SYNE1: variants seen among roughly 807,000 people sequenced by gnomAD.
SYNE1 encodes the protein spectrin repeat containing nuclear envelope protein 1, also known as nesprin-1.
A neutral mutation model predicts 1,111.0 loss-of-function variants in SYNE1; 616 were observed. The ratio of observed to expected loss-of-function variants is 0.55; its 90% confidence interval spans 0.52 to 0.59. The LOEUF (loss-of-function observed/expected upper bound fraction) is 0.59. Among genes scored for constraint, SYNE1 ranks in the 20% least tolerant of loss-of-function variants. The probability of loss-of-function intolerance (pLI) is 0.00; values close to 1 mark genes in which losing one functional copy is unlikely to be tolerated. For missense variants in SYNE1, 10,006 were observed against 10,417.0 expected (o/e 0.96, Z 1.72); for synonymous variants, 3,855 against 3,825.8 (o/e 1.01, Z -0.28).
Position 152,444,589 on chromosome 6 carries a change from A to G in SYNE1, c.3670-11T>C. 1.2e-6 allele frequency: 2 copies of G among 1,603,192 alleles called. No homozygotes were observed. Among genetic ancestry groups the G allele is most frequent in the Non-Finnish European group, 8.5e-7 (1 of 1,176,196 alleles). ...TAGCATCTTTTCAACCTATATTTTC[A>G]TGAAAAAAAAAAACACGTAAATCAT... On this transcript the variant is annotated splice_polypyrimidine_tract_variant and intron_variant, in intron 29 of 145. Transcript: ENST00000367255.
intron 63 of SYNE1, among the ~76,000 whole-genome samples, 156 bp from the exon 64 acceptor site, chr6:152,362,479 A>G (rs2154069725): frequency 6.6e-6 from 1 of 152,326 alleles, no homozygotes; most frequent in Admixed American, 6.5e-5. Context: ...GCTTAAGGAC[A>G]CTGAGTCCAG....
chr6:152,227,338 A>C (rs1031952233), intron 115 of SYNE1, among the ~76,000 whole-genome samples: 1 of 152,206 alleles, frequency 6.6e-6, no homozygotes, highest in Non-Finnish European at 1.5e-5. Flanking sequence ...GCCATTTGGC[A>C]ATGTGCCATG....
intron 91 of SYNE1, among the ~76,000 whole-genome samples, chr6:152,306,964 A>T (rs929788362): frequency 1.3e-5 from 2 of 151,964 alleles, no homozygotes; most frequent in African/African-American, 4.8e-5. Flanking sequence ...ACAACAAAAA[A>T]GTTTAGTAGT....
At position 152,373,375 on chromosome 6, in the gene SYNE1, G is replaced by A. The variant is rs144057791; in HGVS notation, c.9325-156C>T. Among the ~76,000 whole-genome samples the A allele has an allele frequency of 3.0e-3, 456 of 151,788 alleles. 1 individual carries two copies. The highest frequency in any genetic ancestry group is 0.01 in the African/African-American group (424 of 41,390). ...GCTCACTGCAGCCTCCGTCTTCTGC[G>A]TTCAAGCAATTCTCCTGCCTCAGCC... On this transcript the variant is annotated intron_variant, in intron 58 of 145. Transcript: ENST00000367255.
intron 126 of SYNE1, among the ~76,000 whole-genome samples, chr6:152,203,512 A>G (rs1369720883): frequency 6.6e-6 from 1 of 152,200 alleles, no homozygotes; most frequent in African/African-American, 2.4e-5. Flanking sequence ...AACTAGAATC[A>G]TGACTAGAAT....
intron 17 of SYNE1, 96 bp from the exon 18 acceptor site, chr6:152,465,556 C>T (rs558337762): frequency 1.8e-6 from 2 of 1,114,770 alleles, no homozygotes; most frequent in East Asian, 5.1e-5. Context: ...GCAATAGTAT[C>T]CATCACAAAT....
At chr6:152,568,878 A>G (rs929577098) in intron 3 of SYNE1, among the ~76,000 whole-genome samples, 2 of 152,242 alleles carry the variant, frequency 1.3e-5, no homozygotes, top group African/African-American at 4.8e-5. Flanking sequence ...CATATGAAAT[A>G]AAGTTTTACA....
chr6:152,552,782 G>C (rs2099351798), intron 3 of SYNE1, among the ~76,000 whole-genome samples: 1 of 152,170 alleles, frequency 6.6e-6, no homozygotes, highest in Non-Finnish European at 1.5e-5. Flanking sequence ...CAGAGCACCA[G>C]GTGGTGCTGT....
intron 64 of SYNE1, among the ~76,000 whole-genome samples, chr6:152,360,078 T>A (rs933664603): frequency 1.2e-4 from 19 of 152,310 alleles, no homozygotes; most frequent in African/African-American, 4.6e-4. Flanking sequence ...TGTCCCTTAT[T>A]TCATGCTCCA....
At chr6:152,158,059 G>C (rs1430384196) in intron 131 of SYNE1, among the ~76,000 whole-genome samples, 3 of 152,160 alleles carry the variant, frequency 2.0e-5, no homozygotes, top group Non-Finnish European at 2.9e-5. Context: ...GCCTGGCATA[G>C]AGCAACTTTT....
chr6:152,446,695 C>T (rs923078631), intron 29 of SYNE1, among the ~76,000 whole-genome samples: 20 of 152,102 alleles, frequency 1.3e-4, no homozygotes, highest in African/African-American at 4.6e-4. Context: ...TACGTTCTTA[C>T]ATTATCTTCC....
At chr6:152,376,935 A>G (rs1185443245) in intron 56 of SYNE1, 23 bp from the exon 57 acceptor site, 1 of 1,612,666 alleles carries the variant, frequency 6.2e-7, no homozygotes, top group South Asian at 1.1e-5. Context: ...AATGAGACAA[A>G]GAAGCGAGCA....
rs775685010 is a variant in SYNE1 at position 152,309,861 on chromosome 6, C to A, written c.17176G>T (p.Ala5726Ser). 8.1e-6 allele frequency: 13 copies of A among 1,613,950 alleles called. No homozygotes were observed. The East Asian group carries it at 2.7e-4, about 33-fold the overall frequency. Reference protein sequence around the residue: ...QEEASRLQHTAIQQCNIMQEA... With the variant: ...QEEASRLQHTSIQQCNIMQEA... Reference sequence around the variant, plus strand: ...TGCATGATGTTACACTGCTGGATGGCGGTGTGCTGCAGCCGGCTGGCCTCT... The same window carrying A: ...TGCATGATGTTACACTGCTGGATGGAGGTGTGCTGCAGCCGGCTGGCCTCT... The change falls in exon 90 of 146, where the codon GCC becomes TCC. Residue 5726 changes from alanine (A) to serine (S), a missense_variant. By Grantham distance (99) the Ala-to-Ser change is moderately conservative (BLOSUM62 1). Transcript: ENST00000367255.
At chr6:152,590,772 T>C (rs2099557105) in intron 3 of SYNE1, among the ~76,000 whole-genome samples, 1 of 152,178 alleles carries the variant, frequency 6.6e-6, no homozygotes, top group South Asian at 2.1e-4. Context: ...ACAATCTAAT[T>C]CACTTTTCCT....
Position 152,139,495 on chromosome 6 carries a change from TG to T in SYNE1, c.25458+454del, listed in dbSNP as rs2057887373. 1.4e-5 allele frequency among the ~76,000 whole-genome samples: 2 copies of T among 143,026 alleles called. 1 individual carries two copies. Among genetic ancestry groups the T allele is most frequent in the Admixed American group, 1.4e-4 (2 of 13,826 alleles). 93.8% of individuals were successfully genotyped at this position (143,026 alleles called of 152,430 possible). A position where few individuals can be genotyped will look rare whatever the true frequency, so the allele number is the denominator to read the frequency against. On this transcript the variant is annotated intron_variant, in intron 140 of 145. Coordinates refer to ENST00000367255, the MANE Select transcript of SYNE1 (RefSeq NM_182961.4). ...CTGAGGCAGGAGGATGGCTTAAACC[TG>T]GGAGGCAGAGGTTGCACTGAGCTGA... is the stretch of plus-strand genomic sequence containing the variant.
intron 100 of SYNE1, among the ~76,000 whole-genome samples, 183 bp downstream of exon 100, chr6:152,267,873 C>CATA (rs756176875): frequency 8.5e-5 from 13 of 152,112 alleles, no homozygotes; most frequent in Non-Finnish European, 1.8e-4. Flanking sequence ...TTACTACAGG[C>CATA]GCTATGCTCA....
intron 3 of SYNE1, among the ~76,000 whole-genome samples, chr6:152,618,817 T>A (rs1029434212): frequency 9.2e-5 from 14 of 152,216 alleles, no homozygotes; most frequent in Admixed American, 6.5e-5. Context: ...GATGTTTCCA[T>A]GTATTTATTT....
At position 152,323,488 on chromosome 6, in the gene SYNE1, G is replaced by A. The variant is rs149215868; in HGVS notation, c.15907C>T (p.Arg5303Trp). The change falls in exon 82 of 146, where the codon CGG becomes TGG. Residue 5303 changes from arginine to tryptophan, a missense_variant. Arg to Trp is a moderately radical substitution (Grantham distance 101). This residue lies in a region of SYNE1 where 4,955 missense variants were observed against 5,017.2 expected (regional missense o/e 0.99). Coordinates refer to ENST00000367255, the MANE Select transcript of SYNE1 (RefSeq NM_182961.4). ...TAGGTGCTTAATTACTTCAGGCACC[G>A]ATCTTGCATGGCGGTGATTTCCTGC... ...LMQEITAMQDRCLNMQEKVKT... is the reference protein window; with the variant it reads ...LMQEITAMQDWCLNMQEKVKT... 75 of 1,613,662 alleles carry A rather than the reference G, an allele frequency of 4.6e-5. No individual in the cohort carries two copies. Among genetic ancestry groups the A allele is most frequent in the Non-Finnish European group, 5.4e-5 (64 of 1,180,032 alleles).
chr6:152,395,322 T>A (rs1467801517), intron 51 of SYNE1, among the ~76,000 whole-genome samples, 194 bp downstream of exon 51: 1 of 152,206 alleles, frequency 6.6e-6, no homozygotes, highest in African/African-American at 2.4e-5. Context: ...CTTACTTCCA[T>A]CCTGCACTCT....
Sources: gnomAD v4.1 joint callset for allele counts (sites outside exome capture counted in the v4.1 genomes callset) on GRCh38, gnomAD v4.1.1 for gene constraint, gnomAD v4.1.1 regional missense constraint, MANE v1.5 for transcripts, NCBI Gene and HGNC (gene_info 2026-07-23, HGNC 2026-07-21) for gene names.